Variants in ODAD2 observed in about 807,000 individuals in gnomAD.
The protein encoded by ODAD2 is outer dynein arm-docking complex subunit 2.
Under a neutral mutation model 106.8 loss-of-function variants are expected in ODAD2, and 89 were observed. The ratio of observed to expected loss-of-function variants is 0.83; its 90% CI spans 0.70 to 0.99. ODAD2 has a LOEUF of 0.99. ODAD2 is among the 50% of genes least tolerant of loss of function. The pLI is 0.00. For missense variants in ODAD2, 1,168 were observed against 1,238.5 expected, an observed-to-expected ratio of 0.94 and a Z score of 0.85; for synonymous variants, 404 against 436.2, an observed-to-expected ratio of 0.93 and a Z score of 0.92.
chr10:27,939,712 T>A (rs866966012), intron 14 of ODAD2, among the ~76,000 whole-genome samples, 185 bp downstream of exon 14: 3 of 152,006 alleles, frequency 2.0e-5, no homozygotes, highest in Non-Finnish European at 4.4e-5. Context: ...CCCTCCAGCC[T>A]GGGCAACAGA....
At chr10:27,873,347 C>A (rs1841064238) in intron 17 of ODAD2, among the ~76,000 whole-genome samples, 1 of 124,762 alleles carries the variant, frequency 8.0e-6, no homozygotes, top group Non-Finnish European at 1.7e-5. Context: ...TTTTGTGTCT[C>A]TATCTCCTTC....
intron 16 of ODAD2, among the ~76,000 whole-genome samples, chr10:27,926,590 G>A (rs1028241474): frequency 6.6e-6 from 1 of 152,142 alleles, no homozygotes; most frequent in African/African-American, 2.4e-5. Context: ...AAGGGAAGCT[G>A]AGTAAAGGGC....
chr10:27,880,866 C>A (rs1325698066), intron 17 of ODAD2, among the ~76,000 whole-genome samples: 1 of 152,166 alleles, frequency 6.6e-6, no homozygotes, highest in Non-Finnish European at 1.5e-5. Context: ...CCAAGTTGCA[C>A]CAATACCAAT....
intron 10 of ODAD2, 125 bp from the exon 11 acceptor site, chr10:27,945,087 T>A: frequency 9.0e-7 from 1 of 1,110,326 alleles, no homozygotes; most frequent in Non-Finnish European, 1.3e-6. Context: ...GTTAAATGAA[T>A]CAGGTAGAGC....
At chr10:27,812,732 C>A in intron 19 of ODAD2, 107 bp from the exon 20 acceptor site, 1 of 1,397,320 alleles carries the variant, frequency 7.2e-7, no homozygotes, top group Non-Finnish European at 9.3e-7. Flanking sequence ...TTTTTTAAAA[C>A]CACCAAAAAA....
intron 19 of ODAD2, among the ~76,000 whole-genome samples, chr10:27,814,470 G>A (rs139336212): frequency 1.4e-3 from 213 of 152,326 alleles, no homozygotes; most frequent in African/African-American, 5.0e-3. Flanking sequence ...TGCCCTCTCA[G>A]TTCCTTGGCC....
chr10:27,992,936 G>T (rs748290355), intron 2 of ODAD2, among the ~76,000 whole-genome samples: 3 of 151,836 alleles, frequency 2.0e-5, no homozygotes, highest in Non-Finnish European at 2.9e-5. Context: ...AATTTTTTTT[G>T]AGATGGAGTT....
Position 27,907,658 on chromosome 10 carries a change from C to T in ODAD2, c.2610+5G>A, listed in dbSNP as rs751861023. On this transcript the variant is annotated splice_donor_5th_base_variant and intron_variant, in intron 17 of 19. Transcript: ENST00000305242. ...AGAAGAGACTGACTTGCAGTCCGTT[C>T]TTACCTTTGCATTTTTGATGCATGG... 2 of 1,607,322 alleles carry T rather than the reference C, an allele frequency of 1.2e-6. No homozygotes were observed. The highest frequency in any genetic ancestry group is 2.2e-5 in the South Asian group (2 of 90,902).
At chr10:27,894,016 A>G (rs1459718014) in intron 17 of ODAD2, among the ~76,000 whole-genome samples, 1 of 152,168 alleles carries the variant, frequency 6.6e-6, no homozygotes, top group Non-Finnish European at 1.5e-5. Context: ...ATGGTGGCTC[A>G]GGCCTGGAGT....
chr10:27,876,243 C>T (rs1841330298), intron 17 of ODAD2, among the ~76,000 whole-genome samples: 1 of 152,174 alleles, frequency 6.6e-6, no homozygotes, highest in South Asian at 2.1e-4. Context: ...GGACAGACTG[C>T]CTCCTCAAGT....
chr10:27,824,362 C>T (rs765193490), intron 19 of ODAD2, among the ~76,000 whole-genome samples: 9 of 151,998 alleles, frequency 5.9e-5, no homozygotes, highest in Admixed American at 1.3e-4. Context: ...CCCTTATGAA[C>T]GGATTAATGC....
At chr10:27,964,600 T>C (rs933541002) in intron 9 of ODAD2, among the ~76,000 whole-genome samples, 1 of 152,178 alleles carries the variant, frequency 6.6e-6, no homozygotes, top group Non-Finnish European at 1.5e-5. Context: ...TTTTTGAAGA[T>C]TTGATCTGTT....
chr10:27,854,225 A>T (rs1839494496), intron 19 of ODAD2, among the ~76,000 whole-genome samples: 1 of 152,212 alleles, frequency 6.6e-6, no homozygotes, highest in Non-Finnish European at 1.5e-5. Context: ...GGCCATACCA[A>T]GTGTTGGCAA....
intron 19 of ODAD2, among the ~76,000 whole-genome samples, chr10:27,824,648 T>C (rs1054409539): frequency 1.3e-5 from 2 of 152,224 alleles, no homozygotes; most frequent in Admixed American, 1.3e-4. Flanking sequence ...GAACGATCCA[T>C]AGATCTCTTT....
intron 17 of ODAD2, among the ~76,000 whole-genome samples, chr10:27,863,008 T>G (rs1038971525): frequency 1.3e-5 from 2 of 152,204 alleles, no homozygotes; most frequent in African/African-American, 2.4e-5. Context: ...ACTTTTTCTC[T>G]TAGGAGAAAC....
intron 19 of ODAD2, among the ~76,000 whole-genome samples, chr10:27,816,710 C>T (rs1262251230): frequency 1.3e-5 from 2 of 152,116 alleles, no homozygotes; most frequent in African/African-American, 4.8e-5. Flanking sequence ...CATGGTATGA[C>T]CATGGGAATG....
At chr10:27,983,059 T>TCGATTGTCAACGTCAAGGAGTCGCAG (rs2133115499) in intron 6 of ODAD2, among the ~76,000 whole-genome samples, 1 of 152,356 alleles carries the variant, frequency 6.6e-6, no homozygotes, top group East Asian at 1.9e-4. Flanking sequence ...GCTGGCCCAC[T>TCGATTGTCAACGTCAAGGAGTCGCAG]GTCCCTGTTA....
intron 17 of ODAD2, among the ~76,000 whole-genome samples, chr10:27,871,769 T>C (rs1175351417): frequency 1.3e-5 from 2 of 152,180 alleles, no homozygotes; most frequent in Non-Finnish European, 2.9e-5. Context: ...CCTTGTAGTA[T>C]AGTTTGAAGT....
At chr10:27,981,320 T>TTTATG (rs891625133) in intron 7 of ODAD2, 146 bp downstream of exon 7, 3 of 625,112 alleles carry the variant, frequency 4.8e-6, no homozygotes, top group African/African-American at 1.9e-5. Flanking sequence ...TTACAGTATT[T>TTTATG]TTATGTTATG....
Sources: gnomAD v4.1 joint callset for allele counts (sites outside exome capture counted in the v4.1 genomes callset) on GRCh38, gnomAD v4.1.1 for gene constraint, MANE v1.5 for transcripts, NCBI Gene and HGNC (gene_info 2026-07-23, HGNC 2026-07-21) for gene names.